The following GLIS3 variants were observed in gnomAD, a reference collection of about 807,000 sequenced individuals.
The protein encoded by GLIS3 is zinc finger protein GLIS3.
Under a neutral mutation model 78.6 loss-of-function variants are expected in GLIS3, and 53 were observed. That is an observed-to-expected ratio of 0.67 (90% CI 0.54 to 0.85). The LOEUF (loss-of-function observed/expected upper bound fraction) is 0.85. Ranked by LOEUF, GLIS3 falls within the 40% of genes least tolerant of loss-of-function variation. GLIS3 has a pLI of 0.00. For synonymous variants in GLIS3, 684 were observed against 509.9 expected (o/e 1.34, Z -4.60); for missense variants, 1,703 against 1,231.1 (o/e 1.38, Z -5.74).
At chr9:4,372,489 A>T in the GLIS3 span, among the ~76,000 whole-genome samples, 1 of 151,028 alleles carries the variant, frequency 6.6e-6, no homozygotes, top group Non-Finnish European at 1.5e-5. Context: ...GATACTTCAA[A>T]TCACCTCCTC....
intron 2 of GLIS3, among the ~76,000 whole-genome samples, chr9:4,212,571 A>T (rs1426974051): frequency 6.6e-6 from 1 of 152,248 alleles, no homozygotes; most frequent in Non-Finnish European, 1.5e-5. Flanking sequence ...CATGGCACAC[A>T]GGTGGCGCCT....
chr9:4,413,658 A>G, the GLIS3 span, among the ~76,000 whole-genome samples: 1 of 152,106 alleles, frequency 6.6e-6, no homozygotes. Flanking sequence ...AGGGAACCCT[A>G]GTAGCATCCT....
intron 4 of GLIS3, among the ~76,000 whole-genome samples, chr9:4,040,814 T>A (rs1351593651): frequency 6.6e-6 from 1 of 152,224 alleles, no homozygotes; most frequent in Non-Finnish European, 1.5e-5. Flanking sequence ...CTGGGTCAAC[T>A]GGGTCATTGT....
At chr9:4,060,577 T>A (rs1826563466) in intron 4 of GLIS3, among the ~76,000 whole-genome samples, 1 of 152,114 alleles carries the variant, frequency 6.6e-6, no homozygotes, top group Non-Finnish European at 1.5e-5. Flanking sequence ...GTATAACTTG[T>A]GGCTTTATGA....
At chr9:4,320,006 TGTGTGTGTGTGTGTGTGTGC>T (rs769487131) in intron 2 of GLIS3, among the ~76,000 whole-genome samples, 531 of 55,518 alleles carry the variant, frequency 9.6e-3, no homozygotes, top group Non-Finnish European at 0.027. Flanking sequence ...TGTGTGTGTG[TGTGTGTGTGTGTGTGTGTGC>T]GCGCGCACAA....
the GLIS3 span, among the ~76,000 whole-genome samples, chr9:4,359,999 C>T: frequency 1.3e-5 from 2 of 150,098 alleles, no homozygotes; most frequent in African/African-American, 4.9e-5. Context: ...GTATTTTAAG[C>T]ATTTTACTGG....
Position 3,825,838 on chromosome 9 carries a change from T to C in GLIS3, c.*2434A>G, listed in dbSNP as rs1817698083. ...GGAAGCAGGGCTGCACTGGGTCCTG[T>C]GGCCAGCATGCTCTCTCTGAGATAA... is the stretch of plus-strand genomic sequence containing the variant. On this transcript the variant is annotated 3_prime_UTR_variant, in exon 11 of 11. Transcript: ENST00000381971. The C allele has an allele frequency of 6.6e-6, 1 of 152,244 alleles. No homozygotes were observed. The highest frequency in any genetic ancestry group is 2.4e-5 in the African/African-American group (1 of 41,440). The allele number at this position is 152,244 out of a possible 1,614,324, so 9.4% of individuals were successfully genotyped here.
the GLIS3 span, among the ~76,000 whole-genome samples, chr9:4,418,916 C>G: frequency 6.6e-6 from 1 of 152,114 alleles, no homozygotes; most frequent in Non-Finnish European, 1.5e-5. Context: ...AGTTGCTGCC[C>G]TGCATGGTAG....
intron 2 of GLIS3, among the ~76,000 whole-genome samples, chr9:4,194,124 C>A (rs1386104886): frequency 6.6e-6 from 1 of 152,126 alleles, no homozygotes; most frequent in Admixed American, 6.5e-5. Flanking sequence ...GTGGTGCGAT[C>A]TCGGCTCTCT....
the GLIS3 span, among the ~76,000 whole-genome samples, chr9:4,457,492 A>C: frequency 0.027 from 4,087 of 152,126 alleles, 205 homozygotes; most frequent in African/African-American, 0.092. Flanking sequence ...CCCTCTGTGG[A>C]CTTGTTTTGG....
intron 2 of GLIS3, among the ~76,000 whole-genome samples, chr9:4,168,554 T>A (rs1249999691): frequency 1.3e-5 from 2 of 152,222 alleles, no homozygotes; most frequent in Non-Finnish European, 2.9e-5. Flanking sequence ...TTAGTTCATG[T>A]CTACTAAATT....
chr9:4,088,316 C>A (rs1449978753), intron 4 of GLIS3, among the ~76,000 whole-genome samples: 1 of 152,172 alleles, frequency 6.6e-6, no homozygotes, highest in Non-Finnish European at 1.5e-5. Flanking sequence ...TAGCCCAATC[C>A]TTGGCATAAA....
intron 2 of GLIS3, among the ~76,000 whole-genome samples, chr9:4,265,865 G>C (rs10974423): frequency 6.6e-6 from 1 of 151,762 alleles, no homozygotes; most frequent in Admixed American, 6.6e-5. Flanking sequence ...TCAACCAAAA[G>C]CAGAATGTTT....
chr9:4,189,077 A>C (rs537533354), intron 2 of GLIS3, among the ~76,000 whole-genome samples: 1 of 151,404 alleles, frequency 6.6e-6, no homozygotes, highest in South Asian at 2.1e-4. Flanking sequence ...TAGTTCTTTT[A>C]ATTGTGATGT....
chr9:4,190,351 C>T (rs531502841), intron 2 of GLIS3, among the ~76,000 whole-genome samples: 1 of 152,130 alleles, frequency 6.6e-6, no homozygotes, highest in East Asian at 1.9e-4. Flanking sequence ...GCTGATGGAG[C>T]TGAAAGTCAA....
intron 2 of GLIS3, among the ~76,000 whole-genome samples, chr9:4,199,807 G>T (rs1191650508): frequency 6.6e-6 from 1 of 152,052 alleles, no homozygotes; most frequent in African/African-American, 2.4e-5. Context: ...TGACCAATTG[G>T]ACCTAATAGA....
At chr9:3,908,965 C>T (rs1044629556) in intron 6 of GLIS3, among the ~76,000 whole-genome samples, 4 of 152,224 alleles carry the variant, frequency 2.6e-5, no homozygotes, top group Non-Finnish European at 4.4e-5. Flanking sequence ...CCAAAGAAAA[C>T]GAGGCACAAT....
At chr9:4,113,045 T>C (rs898649207) in intron 4 of GLIS3, among the ~76,000 whole-genome samples, 2 of 152,086 alleles carry the variant, frequency 1.3e-5, no homozygotes, top group Non-Finnish European at 2.9e-5. Context: ...ACCAGAACTA[T>C]ATAATATTGC....
chr9:4,439,620 C>T, the GLIS3 span, among the ~76,000 whole-genome samples: 1 of 152,256 alleles, frequency 6.6e-6, no homozygotes, highest in Admixed American at 6.5e-5. Context: ...CTACTCTCTC[C>T]TTCTATGAGA....
Sources: allele counts gnomAD v4.1 joint callset (sites outside exome capture counted in the v4.1 genomes callset), GRCh38; gene constraint gnomAD v4.1.1; transcripts MANE v1.5; gene names NCBI Gene and HGNC (gene_info 2026-07-23, HGNC 2026-07-21).